Variants in HCN1 observed in about 807,000 individuals in gnomAD.
HCN1 encodes hyperpolarization activated cyclic nucleotide gated potassium channel 1.
Under a neutral mutation model 78.9 loss-of-function variants are expected in HCN1, and 13 were observed. The observed-to-expected ratio is 0.16, with a 90% CI of 0.11 to 0.26. The LOEUF (loss-of-function observed/expected upper bound fraction) is 0.26, where lower values mean the gene tolerates loss of function less well. HCN1 is among the 10% of genes least tolerant of loss of function. HCN1 has a pLI of 1.00. For missense variants in HCN1, 810 were observed against 1,154.3 expected (o/e 0.70, Z 4.32); for synonymous variants, 552 against 455.5 (o/e 1.21, Z -2.70).
At chr5:45,347,143 G>A (rs1746738891) in intron 5 of HCN1, among the ~76,000 whole-genome samples, 1 of 152,158 alleles carries the variant, frequency 6.6e-6, no homozygotes, top group African/African-American at 2.4e-5. Context: ...ACACCTCACA[G>A]GGCTGGCTAC....
intron 6 of HCN1, among the ~76,000 whole-genome samples, chr5:45,273,173 AG>A (rs1744991460): frequency 6.6e-6 from 1 of 151,832 alleles, no homozygotes; most frequent in Non-Finnish European, 1.5e-5. Flanking sequence ...TTTTCTTTAT[AG>A]GGCGTTTATG....
chr5:45,368,832 C>T lies in HCN1; in HGVS notation c.1231-15586G>A, dbSNP rs1473444136. On this transcript the variant is annotated intron_variant, in intron 4 of 7. Coordinates refer to ENST00000303230, the MANE Select transcript of HCN1 (RefSeq NM_021072.4). ...CTGTCAGCAAATTTTATTAGATGTA[C>T]TATTTTTTCCATTACAGTTTCATTG... Among the ~76,000 whole-genome samples, 4 of 151,936 alleles carry T rather than the reference C, an allele frequency of 2.6e-5. 1 individual carries two copies. Among genetic ancestry groups the T allele is most frequent in the Admixed American group, 1.3e-4 (2 of 15,180 alleles).
At chr5:45,457,621 A>C (rs1741056104) in intron 3 of HCN1, among the ~76,000 whole-genome samples, 1 of 152,118 alleles carries the variant, frequency 6.6e-6, no homozygotes, top group South Asian at 2.1e-4. Context: ...ACAACAAAAT[A>C]CCACAGACTG....
At chr5:45,532,366 AGCAGCCTTCTATGTGG>A (rs1742871275) in intron 2 of HCN1, among the ~76,000 whole-genome samples, 2 of 152,224 alleles carry the variant, frequency 1.3e-5, no homozygotes, top group Non-Finnish European at 2.9e-5. Flanking sequence ...TGATCATTCT[AGCAGCCTTCTATGTGG>A]GCATTTTTGT....
chr5:45,312,649 A>G (rs144667205), intron 5 of HCN1, among the ~76,000 whole-genome samples: 2 of 152,190 alleles, frequency 1.3e-5, no homozygotes, highest in Non-Finnish European at 2.9e-5. Flanking sequence ...GCACCTGGAA[A>G]ATCGGGTCAC....
intron 2 of HCN1, among the ~76,000 whole-genome samples, chr5:45,611,449 T>G (rs993227551): frequency 2.6e-5 from 4 of 151,822 alleles, no homozygotes; most frequent in African/African-American, 9.7e-5. Context: ...TGTTTGTATT[T>G]TTTGTGGAGA....
chr5:45,445,936 GA>G (rs1243771044), intron 3 of HCN1, among the ~76,000 whole-genome samples: 4 of 152,100 alleles, frequency 2.6e-5, no homozygotes, highest in Non-Finnish European at 4.4e-5. Flanking sequence ...CAAAGATGGG[GA>G]AAAAACAGAG....
intron 5 of HCN1, among the ~76,000 whole-genome samples, chr5:45,350,415 A>T (rs1746866727): frequency 6.6e-6 from 1 of 152,192 alleles, no homozygotes; most frequent in Non-Finnish European, 1.5e-5. Flanking sequence ...CACAGCCAAT[A>T]TCATACTGAG....
intron 2 of HCN1, among the ~76,000 whole-genome samples, chr5:45,506,969 C>A (rs1455396084): frequency 6.6e-6 from 1 of 151,906 alleles, no homozygotes; most frequent in Non-Finnish European, 1.5e-5. Flanking sequence ...CTGTCACCAG[C>A]AACAGTAAAG....
chr5:45,293,136 C>A (rs549716686), intron 6 of HCN1, among the ~76,000 whole-genome samples: 2 of 151,874 alleles, frequency 1.3e-5, no homozygotes, highest in Non-Finnish European at 2.9e-5. Flanking sequence ...CTGGGTTAAA[C>A]GGTATTTCTG....
chr5:45,461,631 T>G (rs1741160379), intron 3 of HCN1, among the ~76,000 whole-genome samples: 1 of 152,124 alleles, frequency 6.6e-6, no homozygotes, highest in Non-Finnish European at 1.5e-5. Flanking sequence ...AAGTAGATGT[T>G]GTAACATATA....
At chr5:45,680,557 T>C (rs867838468) in intron 1 of HCN1, among the ~76,000 whole-genome samples, 10 of 152,132 alleles carry the variant, frequency 6.6e-5, no homozygotes, top group African/African-American at 2.4e-4. Flanking sequence ...TCTGAGACTA[T>C]GTCTGGGATA....
chr5:45,659,246 G>C (rs888924237), intron 1 of HCN1, among the ~76,000 whole-genome samples: 3 of 139,178 alleles, frequency 2.2e-5, no homozygotes, highest in Non-Finnish European at 3.1e-5. Context: ...TGAGGGTCCT[G>C]TCTGTTAGAA....
intron 2 of HCN1, among the ~76,000 whole-genome samples, chr5:45,502,281 A>G (rs1483516939): frequency 6.6e-6 from 1 of 151,856 alleles, no homozygotes; most frequent in Non-Finnish European, 1.5e-5. Context: ...CAGCCTGATC[A>G]ACATGGTGAA....
At chr5:45,379,015 C>T (rs1431553852) in intron 4 of HCN1, among the ~76,000 whole-genome samples, 2 of 152,110 alleles carry the variant, frequency 1.3e-5, no homozygotes, top group Non-Finnish European at 2.9e-5. Context: ...TTAATCCAGT[C>T]TATCATTGAT....
chr5:45,520,845 A>G (rs1276935792), intron 2 of HCN1, among the ~76,000 whole-genome samples: 19 of 151,968 alleles, frequency 1.3e-4, no homozygotes, highest in Admixed American at 1.1e-3. Context: ...AAGTCATTAT[A>G]ATATAATATA....
At chr5:45,637,341 C>T (rs1158591544) in intron 2 of HCN1, among the ~76,000 whole-genome samples, 1 of 151,964 alleles carries the variant, frequency 6.6e-6, no homozygotes, top group Admixed American at 6.6e-5. Context: ...ATCGGTTTGT[C>T]TATTTACATG....
At chr5:45,286,129 C>T (rs1745265840) in intron 6 of HCN1, among the ~76,000 whole-genome samples, 1 of 151,968 alleles carries the variant, frequency 6.6e-6, no homozygotes, top group South Asian at 2.1e-4. Context: ...GGAGACAAGA[C>T]ATGGGAGTAT....
intron 2 of HCN1, among the ~76,000 whole-genome samples, chr5:45,619,834 T>C (rs1745022477): frequency 6.6e-6 from 1 of 152,062 alleles, no homozygotes; most frequent in Non-Finnish European, 1.5e-5. Flanking sequence ...TTGATATTCC[T>C]CTCTCGGGTG....
Sources: allele counts gnomAD v4.1 joint callset (sites outside exome capture counted in the v4.1 genomes callset), GRCh38; gene constraint gnomAD v4.1.1; transcripts MANE v1.5; gene names NCBI Gene and HGNC (gene_info 2026-07-23, HGNC 2026-07-21).